The following EDRF1 variants were observed in gnomAD, a reference collection of about 807,000 sequenced individuals.
EDRF1 encodes erythroid differentiation-related factor 1.
A neutral mutation model predicts 148.7 loss-of-function variants in EDRF1; 69 were observed. The ratio of observed to expected loss-of-function variants is 0.46; its 90% CI spans 0.38 to 0.57. The LOEUF (loss-of-function observed/expected upper bound fraction) is 0.57. Ranked by LOEUF, EDRF1 falls within the 20% of genes least tolerant of loss-of-function variation. EDRF1 has a pLI of 0.00. For synonymous variants in EDRF1, 515 were observed against 532.8 expected (o/e 0.97, Z 0.46); for missense variants, 1,118 against 1,478.7 (o/e 0.76, Z 4.00).
chr10:125,753,127 AAT>A lies in EDRF1; in HGVS notation c.3393+218_3393+219del. Among the ~76,000 whole-genome samples, 3 of 152,332 alleles carry A rather than the reference AAT, an allele frequency of 2.0e-5. No homozygotes were observed. The Middle Eastern group carries it at 0.01, about 518-fold the overall frequency. Reference sequence around the variant, plus strand: ...GCAAGTATTTTAAAATATTTTTAAGAATATATCTCAACAAGACCATAGTTAAC... The same window carrying A: ...GCAAGTATTTTAAAATATTTTTAAGAATATCTCAACAAGACCATAGTTAAC... On this transcript the variant is annotated intron_variant, in intron 23 of 24. Coordinates refer to ENST00000356792, the MANE Select transcript of EDRF1 (RefSeq NM_001202438.2).
chr10:125,749,600 C>T, intron 22 of EDRF1, 35 bp downstream of exon 22: 1 of 1,609,564 alleles, frequency 6.2e-7, no homozygotes, highest in Non-Finnish European at 8.5e-7. Flanking sequence ...GATATGTATG[C>T]ATTGGCTTAG....
intron 1 of EDRF1, 128 bp from the exon 2 acceptor site, chr10:125,721,076 C>A: frequency 1.2e-6 from 1 of 849,360 alleles, no homozygotes; most frequent in Admixed American, 1.9e-5. Context: ...TTATTAAGTG[C>A]TGTTAGTAAC....
At chr10:125,753,937 C>A in intron 24 of EDRF1, 92 bp downstream of exon 24, 2 of 1,401,360 alleles carry the variant, frequency 1.4e-6, no homozygotes, top group East Asian at 2.3e-5. Flanking sequence ...AACTAGGGGC[C>A]AGGCACATTG....
At chr10:125,738,221 A>G (rs922899561) in intron 14 of EDRF1, 74 bp from the exon 15 acceptor site, 14 of 1,567,882 alleles carry the variant, frequency 8.9e-6, no homozygotes, top group Non-Finnish European at 1.2e-5. Context: ...TCAGTAGTCC[A>G]GATACTGTCT....
At chr10:125,731,543 A>G (rs973756573) in intron 9 of EDRF1, among the ~76,000 whole-genome samples, 3 of 152,250 alleles carry the variant, frequency 2.0e-5, no homozygotes, top group African/African-American at 4.8e-5. Flanking sequence ...TGGTCAAATG[A>G]TGGAGATCTT....
At chr10:125,757,419 T>C (rs1387646636) in intron 24 of EDRF1, among the ~76,000 whole-genome samples, 1 of 152,226 alleles carries the variant, frequency 6.6e-6, no homozygotes, top group African/African-American at 2.4e-5. Context: ...ATTATACGTT[T>C]TACTTGTACA....
rs369083063 is a variant in EDRF1 at position 125,721,444 on chromosome 10, C to T, written c.317+32C>T. ...ATTAATCAGTGGCATTTTTACCTGC[C>T]CCTCCACCCTCACTTAAAACTCTTA... On this transcript the variant is annotated intron_variant, in intron 2 of 24. Transcript: ENST00000356792. 46 of 1,584,822 alleles carry T rather than the reference C, an allele frequency of 2.9e-5. No homozygotes were observed. In the African/African-American group the frequency reaches 5.5e-4, roughly 19 times the overall value.
intron 9 of EDRF1, among the ~76,000 whole-genome samples, chr10:125,733,108 A>G (rs1848550920): frequency 6.6e-6 from 1 of 152,222 alleles, no homozygotes; most frequent in African/African-American, 2.4e-5. Flanking sequence ...AGTAGTCAGT[A>G]TGATTTGTTC....
intron 22 of EDRF1, chr10:125,750,507 A>G (rs1477051554): frequency 6.6e-6 from 1 of 152,200 alleles, no homozygotes; most frequent in Non-Finnish European, 1.5e-5. Flanking sequence ...ACAAGAAACA[A>G]TTATTTGAAG....
Position 125,727,758 on chromosome 10 carries a change from G to A in EDRF1, c.793-1245G>A, listed in dbSNP as rs1028542368. 3.9e-5 allele frequency among the ~76,000 whole-genome samples: 6 copies of A among 152,150 alleles called. No individual in the cohort carries two copies. In the East Asian group the frequency reaches 5.8e-4, roughly 15 times the overall value. On this transcript the variant is annotated intron_variant, in intron 6 of 24. Coordinates refer to ENST00000356792, the MANE Select transcript of EDRF1 (RefSeq NM_001202438.2). ...GATGTTTGTGGAATAAGCAACACAC[G>A]CATGCCTGTCTTGGGTTCTGTTGAG...
At chr10:125,738,023 A>C in intron 14 of EDRF1, 34 bp downstream of exon 14, 1 of 1,584,722 alleles carries the variant, frequency 6.3e-7, no homozygotes, top group Non-Finnish European at 8.7e-7. Flanking sequence ...TTTTTTCGTA[A>C]AGTTTGTACT....
chr10:125,739,640 C>CT (rs1848913728), intron 15 of EDRF1, among the ~76,000 whole-genome samples: 1 of 152,200 alleles, frequency 6.6e-6, no homozygotes, highest in African/African-American at 2.4e-5. Flanking sequence ...ATAATGAAGA[C>CT]TAAGTACCTT....
In EDRF1 at chr10:125,741,068, A is replaced by G. The variant is rs774230218; in HGVS notation, c.2238A>G (p.Thr746=). The G allele has an allele frequency of 2.7e-5, 44 of 1,613,954 alleles. No homozygotes were observed. The African/African-American group carries it at 5.2e-4, about 19-fold the overall frequency. Residue 746 remains threonine (T), a synonymous_variant, in exon 17 of 25, where the codon ACA becomes ACG. Coordinates refer to ENST00000356792, the MANE Select transcript of EDRF1 (RefSeq NM_001202438.2). ...TGTTGTTTCTCTCTCAATATTTGAC[A>G]CTTTGTGGTGATATCCAACTAATGC... ...EVLLFLSQYL[T]LCGDIQLMLA...
At chr10:125,739,129 A>G (rs2133712918) in intron 15 of EDRF1, among the ~76,000 whole-genome samples, 1 of 152,298 alleles carries the variant, frequency 6.6e-6, no homozygotes, top group East Asian at 1.9e-4. Context: ...GTTTAAAAAA[A>G]AAAAAAGTGT....
intron 15 of EDRF1, 28 bp from the exon 16 acceptor site, chr10:125,740,435 T>C (rs766577566): frequency 1.2e-6 from 2 of 1,610,210 alleles, no homozygotes; most frequent in Admixed American, 1.7e-5. Flanking sequence ...TGAAATGTGC[T>C]GTCTTTTTTT....
rs1383977989 is a variant in EDRF1 at position 125,726,889 on chromosome 10, C to T, written c.792+1051C>T. 2.6e-5 allele frequency among the ~76,000 whole-genome samples: 4 copies of T among 152,324 alleles called. No individual in the cohort carries two copies. The East Asian group carries it at 7.7e-4, about 29-fold the overall frequency. On this transcript the variant is annotated intron_variant, in intron 6 of 24. Coordinates refer to ENST00000356792, the MANE Select transcript of EDRF1 (RefSeq NM_001202438.2). Reference sequence around the variant, plus strand: ...TACTACCCTCCTATTACCCATGTCACCCATCTCCCAGTGTTGTTCTGTCTT... The same window carrying T: ...TACTACCCTCCTATTACCCATGTCATCCATCTCCCAGTGTTGTTCTGTCTT...
intron 24 of EDRF1, among the ~76,000 whole-genome samples, chr10:125,755,989 G>C (rs1849884025): frequency 6.6e-6 from 1 of 151,220 alleles, no homozygotes; most frequent in Admixed American, 6.6e-5. Context: ...CCTTCTACTT[G>C]TTTTGGACTT....
chr10:125,720,029 G>GTTTTGGGGGTGTCAGGGAA, intron 1 of EDRF1, 114 bp downstream of exon 1: 1 of 911,188 alleles, frequency 1.1e-6, no homozygotes, highest in Non-Finnish European at 1.7e-6. Flanking sequence ...ATGTTTCCCT[G>GTTTTGGGGGTGTCAGGGAA]ACACCCCCAA....
At chr10:125,740,370 A>G in intron 15 of EDRF1, 93 bp from the exon 16 acceptor site, 1 of 1,248,302 alleles carries the variant, frequency 8.0e-7, no homozygotes, top group Non-Finnish European at 1.2e-6. Context: ...CTAAGTCTAG[A>G]GTGTTTCCAT....
Sources: allele counts gnomAD v4.1 joint callset (sites outside exome capture counted in the v4.1 genomes callset), GRCh38; gene constraint gnomAD v4.1.1; transcripts MANE v1.5; gene names NCBI Gene and HGNC (gene_info 2026-07-23, HGNC 2026-07-21).